Variants in CPA6 observed in about 807,000 individuals in gnomAD.
The protein encoded by CPA6 is carboxypeptidase A6.
A neutral mutation model predicts 63.3 loss-of-function variants in CPA6; 58 were observed. The observed-to-expected ratio is 0.92, with a 90% CI of 0.74 to 1.14. The LOEUF (loss-of-function observed/expected upper bound fraction) is 1.14, where lower values mean the gene tolerates loss of function less well. Ranked by LOEUF, CPA6 falls within the 50% of genes most tolerant of loss-of-function variation. CPA6 has a pLI of 0.00. For synonymous variants in CPA6, 185 were observed against 179.0 expected (o/e 1.03, Z -0.27); for missense variants, 565 against 526.6 (o/e 1.07, Z -0.71).
At chr8:67,540,655 T>C (rs1299783274) in intron 2 of CPA6, among the ~76,000 whole-genome samples, 1 of 152,268 alleles carries the variant, frequency 6.6e-6, no homozygotes, top group African/African-American at 2.4e-5. Context: ...GTTTTATCTA[T>C]AAGCCCCTTA....
intron 1 of CPA6, among the ~76,000 whole-genome samples, chr8:67,657,098 G>A (rs1816003526): frequency 6.6e-6 from 1 of 152,186 alleles, no homozygotes; most frequent in East Asian, 1.9e-4. Flanking sequence ...GCAGGAACAG[G>A]AGCAATGGCT....
chr8:67,423,730 G>A (rs1343768556), intron 10 of CPA6, among the ~76,000 whole-genome samples: 1 of 152,130 alleles, frequency 6.6e-6, no homozygotes, highest in Non-Finnish European at 1.5e-5. Context: ...TGTTGCTGTA[G>A]GTTCCTTTTC....
In CPA6 at chr8:67,586,917, A is replaced by G. The variant is rs188810369; in HGVS notation, c.192+37259T>C. On this transcript the variant is annotated intron_variant, in intron 2 of 10. Transcript: ENST00000297770. ...CAGATTATAGAATTTTTAGAGAACC[A>G]TGTTATTGGTAATAGTATGATTGTT... 2.6e-3 allele frequency among the ~76,000 whole-genome samples: 398 copies of G among 152,350 alleles called. 1 individual carries two copies. Among genetic ancestry groups the G allele is most frequent in the African/African-American group, 9.1e-3 (380 of 41,576 alleles).
intron 1 of CPA6, among the ~76,000 whole-genome samples, chr8:67,725,180 T>C (rs1195741393): frequency 6.6e-6 from 1 of 152,214 alleles, no homozygotes. Flanking sequence ...TCTTGTTTAT[T>C]TATATCATAG....
chr8:67,514,238 G>T (rs1198285312), intron 3 of CPA6, among the ~76,000 whole-genome samples: 1 of 152,092 alleles, frequency 6.6e-6, no homozygotes, highest in Non-Finnish European at 1.5e-5. Context: ...GATTACAGGT[G>T]TGAGCCACCA....
In CPA6 at chr8:67,447,568, T is replaced by C. The variant is rs563158206; in HGVS notation, c.839-13328A>G. ...ACACATACACATTTTAAATAGGTGATAAATTCACATGATTCAAAAATTTAA... is the reference window on the plus strand; with the variant it reads ...ACACATACACATTTTAAATAGGTGACAAATTCACATGATTCAAAAATTTAA... On this transcript the variant is annotated intron_variant, in intron 8 of 10. Coordinates refer to ENST00000297770, the MANE Select transcript of CPA6 (RefSeq NM_020361.5). Among the ~76,000 whole-genome samples the C allele has an allele frequency of 3.3e-5, 5 of 151,278 alleles. No individual in the cohort carries two copies. The South Asian group carries it at 8.3e-4, about 25-fold the overall frequency.
intron 1 of CPA6, among the ~76,000 whole-genome samples, chr8:67,731,119 T>C (rs1554540254): frequency 6.6e-6 from 1 of 152,230 alleles, no homozygotes; most frequent in Non-Finnish European, 1.5e-5. Context: ...TACCATTTCA[T>C]CTAACTTTTT....
intron 2 of CPA6, among the ~76,000 whole-genome samples, chr8:67,603,719 C>A (rs1814554342): frequency 6.6e-6 from 1 of 152,142 alleles, no homozygotes; most frequent in Non-Finnish European, 1.5e-5. Context: ...TAGATTTTTC[C>A]CATCTACCTT....
At chr8:67,540,837 G>T (rs1246748875) in intron 2 of CPA6, among the ~76,000 whole-genome samples, 1 of 152,164 alleles carries the variant, frequency 6.6e-6, no homozygotes, top group Non-Finnish European at 1.5e-5. Context: ...CCTCAGTGAT[G>T]GTGGACGCCC....
At chr8:67,604,418 T>G (rs1587623534) in intron 2 of CPA6, among the ~76,000 whole-genome samples, 2 of 152,330 alleles carry the variant, frequency 1.3e-5, no homozygotes, top group African/African-American at 4.8e-5. Context: ...AAATGCCACA[T>G]TTTTAATGAT....
At chr8:67,554,248 G>A (rs945423266) in intron 2 of CPA6, among the ~76,000 whole-genome samples, 10 of 152,188 alleles carry the variant, frequency 6.6e-5, no homozygotes, top group Non-Finnish European at 1.5e-4. Flanking sequence ...GCATGGACCA[G>A]CATCTGCTGG....
intron 9 of CPA6, among the ~76,000 whole-genome samples, chr8:67,433,576 T>C (rs1172408130): frequency 6.6e-6 from 1 of 152,242 alleles, no homozygotes; most frequent in Non-Finnish European, 1.5e-5. Flanking sequence ...AGAATCAATC[T>C]ATAATTTATG....
intron 8 of CPA6, among the ~76,000 whole-genome samples, chr8:67,464,799 T>C (rs530612989): frequency 1.2e-4 from 18 of 152,342 alleles, no homozygotes; most frequent in East Asian, 3.9e-4. Context: ...CTGTCGACTT[T>C]GTTGAAGATC....
At chr8:67,693,841 T>C (rs1057281699) in intron 1 of CPA6, among the ~76,000 whole-genome samples, 2 of 152,198 alleles carry the variant, frequency 1.3e-5, no homozygotes, top group Non-Finnish European at 2.9e-5. Context: ...TAGCAACTAC[T>C]CTAGACTTAC....
chr8:67,426,333 T>A (rs1307689397), intron 10 of CPA6, among the ~76,000 whole-genome samples: 1 of 152,218 alleles, frequency 6.6e-6, no homozygotes, highest in Non-Finnish European at 1.5e-5. Context: ...TGTGACTCTA[T>A]ATGAAGTTGA....
chr8:67,633,766 A>AT (rs930042652), intron 1 of CPA6, among the ~76,000 whole-genome samples: 11 of 151,336 alleles, frequency 7.3e-5, no homozygotes, highest in Admixed American at 2.6e-4. Context: ...TGTATTAGTG[A>AT]TTTTTTTGTA....
intron 6 of CPA6, among the ~76,000 whole-genome samples, chr8:67,491,263 A>G (rs940602634): frequency 6.8e-6 from 1 of 147,256 alleles, no homozygotes; most frequent in Non-Finnish European, 1.5e-5. Context: ...CTTAATCTAT[A>G]AAGATAGCTG....
chr8:67,711,149 A>G (rs1817252462), intron 1 of CPA6, among the ~76,000 whole-genome samples: 1 of 152,220 alleles, frequency 6.6e-6, no homozygotes, highest in African/African-American at 2.4e-5. Context: ...CTTGAACTGT[A>G]ACACAAAGAA....
At chr8:67,555,966 C>G (rs1411020235) in intron 2 of CPA6, among the ~76,000 whole-genome samples, 1 of 152,176 alleles carries the variant, frequency 6.6e-6, no homozygotes, top group Non-Finnish European at 1.5e-5. Context: ...TGAGGCAGAG[C>G]CTGAAGCAGT....
Sources: allele counts gnomAD v4.1 joint callset (sites outside exome capture counted in the v4.1 genomes callset), GRCh38; gene constraint gnomAD v4.1.1; transcripts MANE v1.5; gene names NCBI Gene and HGNC (gene_info 2026-07-23, HGNC 2026-07-21).